The following UMOD variants were observed in gnomAD, a reference collection of about 807,000 sequenced individuals.
The protein encoded by UMOD is Tamm-Horsfall urinary glycoprotein.
UMOD carries 64 observed loss-of-function variants against 66.0 expected under a neutral mutation model. The observed-to-expected ratio is 0.97, with a 90% confidence interval of 0.79 to 1.19. The LOEUF (loss-of-function observed/expected upper bound fraction) is 1.19. Ranked by LOEUF, UMOD falls within the 50% of genes most tolerant of loss-of-function variation. The pLI is 0.00. For synonymous variants in UMOD, 398 were observed against 352.7 expected (o/e 1.13, Z -1.44); for missense variants, 764 against 850.9 (o/e 0.90, Z 1.27).
At chr16:20,349,990 G>T in intron 2 of UMOD, 1 of 1,079,004 alleles carries the variant, frequency 9.3e-7, no homozygotes. Context: ...CTTCCCAAGG[G>T]CCTCGTGAGG....
In UMOD at chr16:20,348,917, A is replaced by G; in HGVS notation, c.384T>C (p.Asn128=). Residue 128 remains asparagine, a synonymous_variant, in exon 3 of 11, where the codon AAT becomes AAC. Coordinates refer to ENST00000396138, the MANE Select transcript of UMOD (RefSeq NM_003361.4). ...SHCHALATCV[N]VVGSYLCVCP... ...ATACGCACAAGTAGCTGCCCACCAC[A>G]TTGACACATGTGGCCAGGGCGTGGC... The G allele has an allele frequency of 6.4e-7, 1 of 1,566,090 alleles. No individual in the cohort carries two copies. Among genetic ancestry groups the G allele is most frequent in the Admixed American group, 1.9e-5 (1 of 53,258 alleles).
At chr16:20,342,070 T>C (rs1965254135) in intron 6 of UMOD, among the ~76,000 whole-genome samples, 1 of 152,178 alleles carries the variant, frequency 6.6e-6, no homozygotes, top group African/African-American at 2.4e-5. Context: ...AGGGACCAGG[T>C]GCTGTGGCTC....
intron 6 of UMOD, among the ~76,000 whole-genome samples, chr16:20,341,782 C>T (rs1965236069): frequency 6.6e-6 from 1 of 152,234 alleles, no homozygotes; most frequent in Non-Finnish European, 1.5e-5. Context: ...AGGTATTGAG[C>T]TATGATGAGG....
chr16:20,348,287 G>A lies in UMOD; in HGVS notation c.909C>T (p.Asp303=), dbSNP rs1002670314. ...TGCCATTATTCGATTTGCAGTCCTC[G>A]TCTATACTGCACTCCTCACACGTCC... The part of the protein sequence containing the change: ...VEGTCEECSI[D]EDCKSNNGRW... The change falls in exon 4 of 11, where the codon GAC becomes GAT. Residue 303 remains aspartate (D), a synonymous_variant. Coordinates refer to ENST00000396138, the MANE Select transcript of UMOD (RefSeq NM_003361.4). The A allele has an allele frequency of 1.9e-6, 3 of 1,614,102 alleles. No homozygotes were observed. The highest frequency in any genetic ancestry group is 2.5e-6 in the Non-Finnish European group (3 of 1,180,056).
chr16:20,343,887 G>A, intron 6 of UMOD, 137 bp downstream of exon 6: 1 of 1,012,244 alleles, frequency 9.9e-7, no homozygotes, highest in Non-Finnish European at 1.5e-6. Flanking sequence ...CAGAATTCCT[G>A]GCTCTTCCAT....
intron 7 of UMOD, 106 bp downstream of exon 7, chr16:20,340,985 C>G (rs1965176579): frequency 7.8e-7 from 1 of 1,283,510 alleles, no homozygotes; most frequent in African/African-American, 1.5e-5. Context: ...CAGAGCAAGA[C>G]TCTGTCAAAA....
intron 8 of UMOD, 102 bp downstream of exon 8, chr16:20,337,189 T>A: frequency 6.8e-7 from 1 of 1,478,996 alleles, no homozygotes; most frequent in Non-Finnish European, 9.3e-7. Flanking sequence ...ATTCTATCCC[T>A]CTGGTAAAAG....
chr16:20,338,006 A>G (rs1964976219), intron 7 of UMOD, among the ~76,000 whole-genome samples: 1 of 152,194 alleles, frequency 6.6e-6, no homozygotes, highest in South Asian at 2.1e-4. Context: ...CAGGATACCC[A>G]TAGGCTTTCT....
chr16:20,346,843 A>C (rs930248448), intron 4 of UMOD, among the ~76,000 whole-genome samples: 3 of 151,904 alleles, frequency 2.0e-5, no homozygotes, highest in Non-Finnish European at 4.4e-5. Flanking sequence ...CGTTGTGCAC[A>C]TGTACCCTAG....
chr16:20,344,749 G>A (rs527936952), intron 5 of UMOD, among the ~76,000 whole-genome samples: 55 of 152,228 alleles, frequency 3.6e-4, no homozygotes, highest in African/African-American at 1.2e-3. Flanking sequence ...GCCAGACCCC[G>A]AGTGGAATAC....
upstream of UMOD, chr16:20,356,096 A>G (rs190666616): frequency 6.6e-6 from 1 of 152,356 alleles, no homozygotes; most frequent in Non-Finnish European, 1.5e-5. Context: ...ACAGAACACA[A>G]AAACTTAGAA....
rs931856483 is a variant in UMOD at position 20,350,591 on chromosome 16, C to A, written c.88+59G>T. 3.1e-6 allele frequency: 5 copies of A among 1,598,790 alleles called. No individual in the cohort carries two copies. The Admixed American group carries it at 8.6e-5, about 28-fold the overall frequency. Reference sequence around the variant, plus strand: ...GACAGGTGCTACATTGCTTCCCCCACACATTCACACATACACGTGCATACA... The same window carrying A: ...GACAGGTGCTACATTGCTTCCCCCAAACATTCACACATACACGTGCATACA... On this transcript the variant is annotated intron_variant, in intron 2 of 10. Transcript: ENST00000396138.
At chr16:20,345,400 T>TTTTTTCTTTC (rs1555486828) in intron 5 of UMOD, among the ~76,000 whole-genome samples, 2 of 77,960 alleles carry the variant, frequency 2.6e-5, no homozygotes, top group Non-Finnish European at 3.0e-5. Context: ...TTTTCTTTTT[T>TTTTTTCTTTC]TTTCTTTCTT....
Position 20,348,460 on chromosome 16 carries a change from C to CG in UMOD, c.840dup (p.Glu281ArgfsTer18), listed in dbSNP as rs774365088. 4 of 1,613,364 alleles carry CG rather than the reference C, an allele frequency of 2.5e-6. No homozygotes were observed. The highest frequency in any genetic ancestry group is 1.3e-5 in the African/African-American group (1 of 75,068). ...CCTGTGCAGTACGCCAGGTGACACT[C>CG]GGGGGGCGCTGTCAGGTTGTAGACG... On this transcript the variant is annotated frameshift_variant, in exon 3 of 11. Coordinates refer to ENST00000396138, the MANE Select transcript of UMOD (RefSeq NM_003361.4). LOFTEE classifies it high-confidence loss of function.
At chr16:20,347,450 T>G (rs1965652432) in intron 4 of UMOD, among the ~76,000 whole-genome samples, 1 of 152,254 alleles carries the variant, frequency 6.6e-6, no homozygotes, top group African/African-American at 2.4e-5. Flanking sequence ...TAGTATTTAT[T>G]TTTTAAAATT....
chr16:20,350,625 C>G lies in UMOD; in HGVS notation c.88+25G>C, dbSNP rs764836762. On this transcript the variant is annotated intron_variant, in intron 2 of 10. Coordinates refer to ENST00000396138, the MANE Select transcript of UMOD (RefSeq NM_003361.4). ...ACATACACGTGCATACACACATATACAACGCACACACACTTTTCACTTACT... is the reference window on the plus strand; with the variant it reads ...ACATACACGTGCATACACACATATAGAACGCACACACACTTTTCACTTACT... The G allele has an allele frequency of 1.1e-5, 18 of 1,613,412 alleles. No individual in the cohort carries two copies. The East Asian group carries it at 4.0e-4, about 36-fold the overall frequency.
chr16:20,343,897 T>C (rs534225704), intron 6 of UMOD, 127 bp downstream of exon 6: 20 of 1,162,328 alleles, frequency 1.7e-5, no homozygotes, highest in African/African-American at 6.2e-5. Context: ...GGCTCTTCCA[T>C]TGGGCAACCC....
intron 8 of UMOD, 84 bp from the exon 9 acceptor site, chr16:20,336,811 A>C (rs1964899780): frequency 1.6e-6 from 2 of 1,272,138 alleles, no homozygotes; most frequent in Non-Finnish European, 2.3e-6. Context: ...TGCCCACCTC[A>C]CAGGTGCCTT....
chr16:20,338,308 A>G (rs1297752406), intron 7 of UMOD, among the ~76,000 whole-genome samples: 1 of 152,060 alleles, frequency 6.6e-6, no homozygotes, highest in Non-Finnish European at 1.5e-5. Context: ...CCCTCCAGTC[A>G]CTTTCACTGT....
Sources: allele counts gnomAD v4.1 joint callset (sites outside exome capture counted in the v4.1 genomes callset), GRCh38; gene constraint gnomAD v4.1.1; transcripts MANE v1.5; gene names NCBI Gene and HGNC (gene_info 2026-07-23, HGNC 2026-07-21).